The following WARS1 variants were observed in gnomAD, a reference collection of about 807,000 sequenced individuals.
WARS1 encodes the protein tryptophanyl-tRNA synthetase 1, also known as tryptophan--tRNA ligase, cytoplasmic.
In WARS1, 17 loss-of-function variants were observed where a neutral mutation model predicts 47.8. The observed-to-expected ratio is 0.36, with a 90% CI of 0.24 to 0.53. The LOEUF (loss-of-function observed/expected upper bound fraction) is 0.53. Among genes scored for constraint, WARS1 ranks in the 20% least tolerant of loss-of-function variants. The pLI is 0.91. For missense variants in WARS1, 434 were observed against 608.0 expected, an observed-to-expected ratio of 0.71 and a Z score of 3.01; for synonymous variants, 208 against 228.1, an observed-to-expected ratio of 0.91 and a Z score of 0.79.
At chr14:100,372,501 C>T (rs1896411052) in intron 1 of WARS1, among the ~76,000 whole-genome samples, 1 of 152,146 alleles carries the variant, frequency 6.6e-6, no homozygotes, top group African/African-American at 2.4e-5. Flanking sequence ...GATAAGAAAG[C>T]ATCCAGTTTA....
chr14:100,345,461 C>T, intron 7 of WARS1, among the ~76,000 whole-genome samples: 1 of 151,954 alleles, frequency 6.6e-6, no homozygotes. Context: ...TGCTTGAAGG[C>T]AGCATGCTCG....
At chr14:100,365,480 C>T in intron 2 of WARS1, 2 of 260,586 alleles carry the variant, frequency 7.7e-6, no homozygotes, top group South Asian at 6.4e-5. Context: ...CTTACGAGGC[C>T]AGGGCAGGAG....
chr14:100,335,676 C>T lies in WARS1; in HGVS notation c.1255-640G>A, dbSNP rs540282155. Among the ~76,000 whole-genome samples the T allele has an allele frequency of 5.3e-5, 8 of 152,260 alleles. No individual in the cohort carries two copies. The East Asian group carries it at 1.4e-3, about 26-fold the overall frequency. The stretch of plus-strand genomic sequence containing the variant: ...CTAGGATTACAGGCGTGAGCCACTG[C>T]GCCCAGCCAAATCTTGCTAATTTTT... On this transcript the variant is annotated intron_variant, in intron 10 of 10. Transcript: ENST00000392882.
chr14:100,353,996 T>C lies in WARS1; in HGVS notation c.543-127A>G, dbSNP rs532594308. The C allele has an allele frequency of 5.3e-5, 44 of 822,650 alleles. No individual in the cohort carries two copies. In the East Asian group the frequency reaches 1.2e-3, roughly 22 times the overall value. The allele number at this position is 822,650 out of a possible 1,614,324, so 51.0% of individuals were successfully genotyped here. A position where few individuals can be genotyped will look rare whatever the true frequency, so the allele number is the denominator to read the frequency against. ...ACTTCCTTGCCTACAAAATCACAAT[T>C]TGAATTGTGATATGAATTTGACTAT... On this transcript the variant is annotated intron_variant, in intron 5 of 10. Coordinates refer to ENST00000392882, the MANE Select transcript of WARS1 (RefSeq NM_004184.4).
rs117816258 is a variant in WARS1, at chr14:100,352,533, C to T, written c.725+1154G>A. 4.5e-3 allele frequency among the ~76,000 whole-genome samples: 683 copies of T among 152,336 alleles called. 1 individual carries two copies. Among genetic ancestry groups the T allele is most frequent in the Non-Finnish European group, 7.6e-3 (520 of 68,018 alleles). ...CTTTAGTGTCCCTCTTATCCTGCCT[C>T]GGCATGGTCCCTGATGGTGAGCTAA... On this transcript the variant is annotated intron_variant, in intron 6 of 10. Coordinates refer to ENST00000392882, the MANE Select transcript of WARS1 (RefSeq NM_004184.4).
At chr14:100,352,474 A>T (rs1167005328) in intron 6 of WARS1, among the ~76,000 whole-genome samples, 3 of 152,156 alleles carry the variant, frequency 2.0e-5, no homozygotes, top group African/African-American at 7.2e-5. Flanking sequence ...TGCGGCTCTA[A>T]GCAAGTCCTC....
chr14:100,339,053 C>T (rs990541181), intron 9 of WARS1, among the ~76,000 whole-genome samples: 2 of 151,346 alleles, frequency 1.3e-5, no homozygotes, highest in African/African-American at 4.9e-5. Flanking sequence ...TTGTGGTGAG[C>T]CGAGATTGTG....
At chr14:100,363,256 A>T (rs1895760907) in intron 2 of WARS1, among the ~76,000 whole-genome samples, 2 of 151,412 alleles carry the variant, frequency 1.3e-5, no homozygotes, top group South Asian at 4.2e-4. Flanking sequence ...AGGCTCTGCG[A>T]AAGTCAAACA....
chr14:100,364,314 C>T (rs1486615241), intron 2 of WARS1, among the ~76,000 whole-genome samples: 1 of 152,116 alleles, frequency 6.6e-6, no homozygotes, highest in Non-Finnish European at 1.5e-5. Flanking sequence ...ACTTATTTCC[C>T]CCTAGGAAAC....
chr14:100,360,396 G>T, intron 4 of WARS1, 158 bp downstream of exon 4: 1 of 482,410 alleles, frequency 2.1e-6, no homozygotes, highest in Non-Finnish European at 3.8e-6. Context: ...TGATCCCACA[G>T]TGGGTTACTG....
intron 1 of WARS1, among the ~76,000 whole-genome samples, 182 bp from the exon 2 acceptor site, chr14:100,369,440 A>T (rs890150789): frequency 9.2e-5 from 14 of 151,782 alleles, no homozygotes; most frequent in African/African-American, 3.4e-4. Flanking sequence ...AGAAGAGGAA[A>T]ACCATCAAAT....
chr14:100,374,447 T>A (rs1274152291), intron 1 of WARS1, among the ~76,000 whole-genome samples: 1 of 152,230 alleles, frequency 6.6e-6, no homozygotes, highest in Non-Finnish European at 1.5e-5. Context: ...AGAACTTGAA[T>A]CTTGTGCTCA....
intron 4 of WARS1, among the ~76,000 whole-genome samples, chr14:100,355,410 A>G (rs1197771872): frequency 6.6e-6 from 1 of 151,424 alleles, no homozygotes; most frequent in South Asian, 2.1e-4. Flanking sequence ...TTTAATAGAG[A>G]CGGGGTTTCA....
chr14:100,341,266 C>G (rs1350712266), intron 9 of WARS1, among the ~76,000 whole-genome samples: 5 of 152,194 alleles, frequency 3.3e-5, no homozygotes, highest in African/African-American at 1.2e-4. Flanking sequence ...AAACAGTGGA[C>G]TTTTCCAATG....
At chr14:100,339,103 T>TCTCA (rs1555377641) in intron 9 of WARS1, among the ~76,000 whole-genome samples, 12 of 145,298 alleles carry the variant, frequency 8.3e-5, no homozygotes, top group African/African-American at 3.1e-4. Flanking sequence ...TGAAACTCCA[T>TCTCA]CACACACACA....
intron 1 of WARS1, among the ~76,000 whole-genome samples, chr14:100,372,168 T>A (rs1190304213): frequency 2.0e-5 from 3 of 151,878 alleles, no homozygotes; most frequent in Admixed American, 2.0e-4. Context: ...CTTCCATGAC[T>A]CTCTTTTTGG....
intron 4 of WARS1, among the ~76,000 whole-genome samples, chr14:100,356,760 AT>A (rs1319682776): frequency 6.6e-6 from 1 of 152,226 alleles, no homozygotes; most frequent in African/African-American, 2.4e-5. Flanking sequence ...TCCAAAAAAA[AT>A]TGAATAAGAA....
At position 100,360,997 on chromosome 14, in the gene WARS1, G is replaced by GTA. The variant is rs150819452; in HGVS notation, c.314-337_314-336dup. Among the ~76,000 whole-genome samples, 339 of 150,242 alleles carry GTA rather than the reference G, an allele frequency of 2.3e-3. 8 individuals carry two copies. The East Asian group carries it at 0.042, about 19-fold the overall frequency. The stretch of plus-strand genomic sequence containing the variant: ...TATAAACATATACATATATAAATAG[G>GTA]TATATATATATATATTTGTTTATTA... On this transcript the variant is annotated intron_variant, in intron 3 of 10. Coordinates refer to ENST00000392882, the MANE Select transcript of WARS1 (RefSeq NM_004184.4).
chr14:100,357,349 G>A (rs924561780), intron 4 of WARS1, among the ~76,000 whole-genome samples: 6 of 151,890 alleles, frequency 4.0e-5, no homozygotes, highest in African/African-American at 1.5e-4. Context: ...AATCATAGGA[G>A]ATACAATCCT....
Sources: allele counts gnomAD v4.1 joint callset (sites outside exome capture counted in the v4.1 genomes callset), GRCh38; gene constraint gnomAD v4.1.1; transcripts MANE v1.5; gene names NCBI Gene and HGNC (gene_info 2026-07-23, HGNC 2026-07-21).